Variants in CCSER2 observed in about 807,000 individuals in gnomAD.
CCSER2 encodes the protein serine-rich coiled-coil domain-containing protein 2.
CCSER2 carries 46 observed loss-of-function variants against 92.3 expected under a neutral mutation model. The observed-to-expected ratio is 0.50, with a 90% CI of 0.39 to 0.64. The LOEUF is 0.64. CCSER2 is among the 30% of genes least tolerant of loss of function. The pLI, the probability that CCSER2 is intolerant of heterozygous loss-of-function variation, is 0.00. For synonymous variants in CCSER2, 433 were observed against 431.4 expected (o/e 1.00, Z -0.04); for missense variants, 1,244 against 1,238.9 (o/e 1.00, Z -0.06).
At chr10:84,496,117 T>C (rs578133834) in intron 9 of CCSER2, among the ~76,000 whole-genome samples, 16 of 152,112 alleles carry the variant, frequency 1.1e-4, no homozygotes, top group Non-Finnish European at 1.8e-4. Context: ...CACATACATA[T>C]ATATTTAACT....
chr10:84,437,917 A>G (rs1844282575), intron 5 of CCSER2, among the ~76,000 whole-genome samples: 1 of 151,734 alleles, frequency 6.6e-6, no homozygotes, highest in African/African-American at 2.4e-5. Flanking sequence ...TTTCACCGAG[A>G]GTAGATTTTT....
intron 1 of CCSER2, among the ~76,000 whole-genome samples, chr10:84,359,313 CAG>C (rs1381873653): frequency 6.6e-6 from 1 of 152,060 alleles, no homozygotes; most frequent in East Asian, 1.9e-4. Flanking sequence ...CTGGGGGAAA[CAG>C]AATGGAATGT....
intron 3 of CCSER2, among the ~76,000 whole-genome samples, chr10:84,414,330 C>G (rs1052055767): frequency 6.6e-6 from 1 of 152,126 alleles, no homozygotes; most frequent in Non-Finnish European, 1.5e-5. Flanking sequence ...GGAGCTCTTG[C>G]AAAGCAGACT....
At chr10:84,429,030 A>C (rs1232157327) in intron 5 of CCSER2, among the ~76,000 whole-genome samples, 1 of 145,764 alleles carries the variant, frequency 6.9e-6, no homozygotes, top group African/African-American at 2.6e-5. Flanking sequence ...CTTAAGAAAT[A>C]CTGGTCTGTA....
chr10:84,473,054 TA>T (rs1220995281), intron 8 of CCSER2: 1 of 152,190 alleles, frequency 6.6e-6, no homozygotes, highest in Non-Finnish European at 1.5e-5. Context: ...TTGTCCTGAA[TA>T]ATATCTCATC....
chr10:84,396,929 A>ATCC (rs1841876274), intron 3 of CCSER2, among the ~76,000 whole-genome samples: 3 of 152,218 alleles, frequency 2.0e-5, no homozygotes, highest in Non-Finnish European at 4.4e-5. Flanking sequence ...AATGGGCATC[A>ATCC]AGATTGTTTC....
intron 1 of CCSER2, among the ~76,000 whole-genome samples, chr10:84,348,904 T>C (rs1466744726): frequency 2.0e-5 from 3 of 152,210 alleles, no homozygotes; most frequent in South Asian, 2.1e-4. Flanking sequence ...TAGGTATATA[T>C]ATGTTTATAT....
intron 3 of CCSER2, among the ~76,000 whole-genome samples, chr10:84,382,198 C>A (rs1425734714): frequency 6.6e-6 from 1 of 152,148 alleles, no homozygotes; most frequent in African/African-American, 2.4e-5. Flanking sequence ...CTTGGGGACT[C>A]CTGACACAGG....
chr10:84,487,284 G>C (rs1847865424), intron 9 of CCSER2, among the ~76,000 whole-genome samples: 1 of 152,332 alleles, frequency 6.6e-6, no homozygotes, highest in South Asian at 2.1e-4. Flanking sequence ...TGTGAAGAAA[G>C]TAATTGGTAG....
chr10:84,440,760 C>A (rs528859569), intron 6 of CCSER2, among the ~76,000 whole-genome samples: 1 of 152,188 alleles, frequency 6.6e-6, no homozygotes, highest in Non-Finnish European at 1.5e-5. Context: ...TACTGAAAAT[C>A]TCTTTATCCT....
chr10:84,431,344 A>G (rs1052121752), intron 5 of CCSER2, among the ~76,000 whole-genome samples: 4 of 152,186 alleles, frequency 2.6e-5, no homozygotes, highest in African/African-American at 2.4e-5. Context: ...CCAGAATGCC[A>G]GAGAGCTATA....
At chr10:84,483,790 C>CT (rs778893851) in intron 9 of CCSER2, among the ~76,000 whole-genome samples, 11,215 of 134,496 alleles carry the variant, frequency 0.083, 541 homozygotes, top group Middle Eastern at 0.12. Context: ...TTTTTCTTTT[C>CT]TTTTTTTTTT....
At chr10:84,389,055 C>T in intron 3 of CCSER2, 1 of 251,486 alleles carries the variant, frequency 4.0e-6, no homozygotes, top group South Asian at 4.2e-5. Context: ...GCATTACTAC[C>T]ACCAAATCCT....
rs1376139496 is a variant in CCSER2, at chr10:84,347,487, T to C, written c.-40+18679T>C. 4.0e-5 allele frequency among the ~76,000 whole-genome samples: 5 copies of C among 124,380 alleles called. No homozygotes were observed. In the South Asian group the frequency reaches 1.2e-3, roughly 29 times the overall value. The allele number at this position is 124,380 out of a possible 152,430, so 81.6% of individuals were successfully genotyped here. A position where few individuals can be genotyped will look rare whatever the true frequency, so the allele number is the denominator to read the frequency against. The stretch of plus-strand genomic sequence containing the variant: ...CCCCCCACCTCCCTCCCGGACTGGG[T>C]GGCTGGCCGGGTGGGGGCTGACCCC... On this transcript the variant is annotated intron_variant, in intron 1 of 9. Coordinates refer to ENST00000372088, the MANE Select transcript of CCSER2 (RefSeq NM_001284240.2).
At chr10:84,357,237 C>T (rs1041635861) in intron 1 of CCSER2, among the ~76,000 whole-genome samples, 3 of 110,314 alleles carry the variant, frequency 2.7e-5, no homozygotes, top group Admixed American at 1.1e-4. Context: ...ATTTCAGACA[C>T]AAGACTATAT....
At chr10:84,413,587 G>A (rs1244138913) in intron 3 of CCSER2, among the ~76,000 whole-genome samples, 1 of 152,174 alleles carries the variant, frequency 6.6e-6, no homozygotes, top group African/African-American at 2.4e-5. Context: ...TGGAGTAAGT[G>A]CCCTGTGGCC....
chr10:84,395,257 ATG>A (rs1330344820), intron 3 of CCSER2, among the ~76,000 whole-genome samples: 6 of 151,190 alleles, frequency 4.0e-5, no homozygotes, highest in Non-Finnish European at 8.8e-5. Context: ...AGAGTGTAAT[ATG>A]TTCCTTTTAC....
At chr10:84,418,015 A>C (rs1435781985) in intron 4 of CCSER2, among the ~76,000 whole-genome samples, 154 bp downstream of exon 4, 1 of 152,164 alleles carries the variant, frequency 6.6e-6, no homozygotes, top group East Asian at 1.9e-4. Context: ...TTCATTTGCA[A>C]ACTAACTTAA....
Position 84,362,114 on chromosome 10 carries a change from C to A in CCSER2, c.-39-8900C>A, listed in dbSNP as rs150103634. ...AGTGAATTTATGGCCTAGTAGTCTT[C>A]CATCCATGTTAATGTTACTCCTGTT... On this transcript the variant is annotated intron_variant, in intron 1 of 9. Coordinates refer to ENST00000372088, the MANE Select transcript of CCSER2 (RefSeq NM_001284240.2). Among the ~76,000 whole-genome samples the A allele has an allele frequency of 3.1e-4, 47 of 152,224 alleles. No homozygotes were observed. In the East Asian group the frequency reaches 8.5e-3, roughly 28 times the overall value.
Sources: allele counts gnomAD v4.1 joint callset (sites outside exome capture counted in the v4.1 genomes callset), GRCh38; gene constraint gnomAD v4.1.1; transcripts MANE v1.5; gene names NCBI Gene and HGNC (gene_info 2026-07-23, HGNC 2026-07-21).